Variants in MTHFSD observed in about 807,000 individuals in gnomAD.
MTHFSD encodes methenyltetrahydrofolate synthetase domain containing, also known as methenyltetrahydrofolate synthase domain-containing protein.
In MTHFSD, 37 loss-of-function variants were observed where a neutral mutation model predicts 31.1. The observed-to-expected ratio is 1.19, with a 90% CI of 0.91 to 1.56. The LOEUF is 1.56. Ranked by LOEUF, MTHFSD falls within the 40% of genes most tolerant of loss-of-function variation. The pLI, the probability that MTHFSD is intolerant of heterozygous loss-of-function variation, is 0.00. For synonymous variants in MTHFSD, 221 were observed against 206.9 expected (o/e 1.07, Z -0.59); for missense variants, 664 against 510.1 (o/e 1.30, Z -2.91).
chr16:86,549,557 T>C (rs1045230723), intron 3 of MTHFSD, among the ~76,000 whole-genome samples: 1 of 152,172 alleles, frequency 6.6e-6, no homozygotes, highest in Admixed American at 6.5e-5. Flanking sequence ...ATGGGCAGTG[T>C]TGGAGTCCTG....
chr16:86,542,837 G>T lies in MTHFSD; in HGVS notation c.443-624C>A, dbSNP rs1369304507. 6.6e-6 allele frequency among the ~76,000 whole-genome samples: 1 copy of T among 152,220 alleles called. No homozygotes were observed. Among genetic ancestry groups the T allele is most frequent in the Admixed American group, 6.5e-5 (1 of 15,288 alleles). On this transcript the variant is annotated intron_variant, in intron 5 of 7. Transcript: ENST00000360900. This position sits in a 1 kb window ranked among gnomAD's most constrained non-coding sequence, Gnocchi z 4.6. ...TTTAACAGCCTCTCTAGCCAAATCA[G>T]CTATTCAGAGACAAAAATGCAGGAA... is the stretch of plus-strand genomic sequence containing the variant.
intron 7 of MTHFSD, chr16:86,533,217 G>A (rs143908466): frequency 1.3e-5 from 2 of 152,296 alleles, no homozygotes; most frequent in East Asian, 1.9e-4. Context: ...CTACGGCAGC[G>A]GGCCCCTTGG....
chr16:86,541,613 A>G (rs1361559357), intron 7 of MTHFSD, 84 bp downstream of exon 7: 1 of 1,539,300 alleles, frequency 6.5e-7, no homozygotes, highest in African/African-American at 1.4e-5. Context: ...GGGATTGCCA[A>G]CAGCTCCCAT....
At chr16:86,551,226 T>C (rs924957182) in intron 3 of MTHFSD, among the ~76,000 whole-genome samples, 1 of 152,228 alleles carries the variant, frequency 6.6e-6, no homozygotes, top group African/African-American at 2.4e-5. Flanking sequence ...ATTGAATTAG[T>C]TTATAATAAA....
chr16:86,550,558 G>A (rs917688456), intron 3 of MTHFSD, among the ~76,000 whole-genome samples: 3 of 152,206 alleles, frequency 2.0e-5, no homozygotes, highest in Admixed American at 6.5e-5. Flanking sequence ...GGTAACCTGA[G>A]GTGGAGCCTC....
chr16:86,550,965 C>T (rs1416700053), intron 3 of MTHFSD, among the ~76,000 whole-genome samples: 1 of 152,208 alleles, frequency 6.6e-6, no homozygotes, highest in African/African-American at 2.4e-5. Context: ...ATGGAGTCAG[C>T]ACACAACGCA....
chr16:86,547,659 T>TTC (rs894260605), intron 4 of MTHFSD: 2 of 540,474 alleles, frequency 3.7e-6, no homozygotes, highest in African/African-American at 2.1e-5. Context: ...CTTTGCTCCT[T>TTC]TCTCTCTCTA....
chr16:86,551,982 G>T, intron 3 of MTHFSD, 51 bp downstream of exon 3: 1 of 1,607,314 alleles, frequency 6.2e-7, no homozygotes. Context: ...CCTGGAAAAG[G>T]TGTCCCCCTT....
At chr16:86,537,930 G>A (rs916937728) in intron 7 of MTHFSD, among the ~76,000 whole-genome samples, 1 of 152,228 alleles carries the variant, frequency 6.6e-6, no homozygotes, top group Non-Finnish European at 1.5e-5. Context: ...CTTGGTCTAT[G>A]GTGTCCTCGC....
At position 86,532,293 on chromosome 16, in the gene MTHFSD, C is replaced by T; in HGVS notation, c.870G>A (p.Met290Ile). The change falls in exon 8 of 8, where the codon ATG (methionine) becomes ATA (isoleucine). Residue 290 changes from methionine to isoleucine, a missense_variant. Transcript: ENST00000360900. The part of the protein sequence containing the change: ...PDTPGPETNS[M>I]EAAPGSPPGE... ...CTGGTGGGGAGCCAGGGGCTGCCTC[C>T]ATGGAATTGGTTTCTGGTCCGGGTG... 6.3e-7 allele frequency: 1 copy of T among 1,576,106 alleles called. No individual in the cohort carries two copies. The highest frequency in any genetic ancestry group is 1.2e-5 in the South Asian group (1 of 84,680).
chr16:86,540,509 C>T (rs967857289), intron 7 of MTHFSD, among the ~76,000 whole-genome samples: 4 of 152,222 alleles, frequency 2.6e-5, no homozygotes, highest in Admixed American at 6.5e-5. Flanking sequence ...CCCCCTAATA[C>T]GGCTGCAATG....
At chr16:86,538,303 G>A (rs1970996084) in intron 7 of MTHFSD, among the ~76,000 whole-genome samples, 1 of 152,194 alleles carries the variant, frequency 6.6e-6, no homozygotes, top group Non-Finnish European at 1.5e-5. Context: ...TGCAGCTTGG[G>A]CAGAACAGAG....
intron 7 of MTHFSD, among the ~76,000 whole-genome samples, chr16:86,539,161 G>T (rs1273379726): frequency 1.3e-5 from 2 of 152,312 alleles, no homozygotes; most frequent in South Asian, 4.1e-4. Context: ...CTTGTGGGGG[G>T]TCTCTGCAAA....
chr16:86,545,898 G>A (rs551453359), intron 5 of MTHFSD, among the ~76,000 whole-genome samples: 1 of 152,242 alleles, frequency 6.6e-6, no homozygotes. Flanking sequence ...TGAAAGCAAA[G>A]AATAAAGAAC....
intron 7 of MTHFSD, among the ~76,000 whole-genome samples, chr16:86,534,679 C>G (rs1197205623): frequency 1.3e-5 from 2 of 152,106 alleles, no homozygotes; most frequent in Non-Finnish European, 2.9e-5. Flanking sequence ...ACAGATGATA[C>G]AATTTAAAAA....
chr16:86,535,506 T>C, intron 7 of MTHFSD: 3 of 985,420 alleles, frequency 3.0e-6, no homozygotes, highest in Non-Finnish European at 3.6e-6. Flanking sequence ...AGTTGTTACA[T>C]TCTGTCAATC....
intron 2 of MTHFSD, among the ~76,000 whole-genome samples, chr16:86,552,953 G>C (rs1973392736): frequency 6.6e-6 from 1 of 152,108 alleles, no homozygotes; most frequent in Non-Finnish European, 1.5e-5. Flanking sequence ...GCATGTCAAA[G>C]ATGATGAACT....
rs760450965 is a variant in MTHFSD at position 86,541,803 on chromosome 16, T to C, written c.575A>G (p.Glu192Gly). 1 of 1,614,076 alleles carries C rather than the reference T, an allele frequency of 6.2e-7. No individual in the cohort carries two copies. The highest frequency in any genetic ancestry group is 8.5e-7 in the Non-Finnish European group (1 of 1,180,016). ...HDCQVVDIPEELVEEHDITVD... is the reference protein window; with the variant it reads ...HDCQVVDIPEGLVEEHDITVD... ...AGTGATGTCGTGCTCCTCAACAAGC[T>C]CTTCAGGGATGTCCACGACCTGGGG... Residue 192 changes from glutamate (E) to glycine (G), a missense_variant, in exon 7 of 8, where the codon GAG (glutamate) becomes GGG (glycine). Transcript: ENST00000360900.
intron 7 of MTHFSD, chr16:86,533,777 C>G (rs149872280): frequency 6.6e-6 from 1 of 152,196 alleles, no homozygotes; most frequent in Non-Finnish European, 1.5e-5. Context: ...AAGAAGTACA[C>G]AGGCCCCAAG....
Sources: allele counts gnomAD v4.1 joint callset (sites outside exome capture counted in the v4.1 genomes callset), GRCh38; gene constraint gnomAD v4.1.1; non-coding constraint Gnocchi (gnomAD v3.1); transcripts MANE v1.5; gene names NCBI Gene and HGNC (gene_info 2026-07-23, HGNC 2026-07-21).